FANCL: variants seen among roughly 807,000 people sequenced by gnomAD.
The protein encoded by FANCL is FA complementation group L.
In FANCL, 69 loss-of-function variants were observed where a neutral mutation model predicts 59.4. The observed-to-expected ratio is 1.16, with a 90% CI of 0.96 to 1.42. The LOEUF (loss-of-function observed/expected upper bound fraction) is 1.42. Among genes scored for constraint, FANCL ranks in the 40% most tolerant of loss-of-function variants. The pLI, the probability that FANCL is intolerant of heterozygous loss-of-function variation, is 0.00. For synonymous variants in FANCL, 180 were observed against 147.1 expected, an observed-to-expected ratio of 1.22 and a Z score of -1.62; for missense variants, 519 against 447.2, an observed-to-expected ratio of 1.16 and a Z score of -1.45.
At chr2:58,173,437 C>G (rs1303399914) in intron 7 of FANCL, among the ~76,000 whole-genome samples, 2 of 152,204 alleles carry the variant, frequency 1.3e-5, no homozygotes, top group Non-Finnish European at 2.9e-5. Flanking sequence ...CAGCTGATCT[C>G]TCAGCAGAAA....
intron 5 of FANCL, among the ~76,000 whole-genome samples, chr2:58,206,495 G>T (rs1690596553): frequency 7.2e-6 from 1 of 138,792 alleles, no homozygotes; most frequent in South Asian, 2.6e-4. Flanking sequence ...ACGTTTAAGA[G>T]GGGTGGAAGA....
At chr2:58,237,103 G>A (rs895653301) in intron 1 of FANCL, among the ~76,000 whole-genome samples, 3 of 152,122 alleles carry the variant, frequency 2.0e-5, no homozygotes, top group African/African-American at 7.2e-5. Flanking sequence ...GGCCTGGGTA[G>A]CACTCTGAAC....
rs758190931 is a variant in FANCL at position 58,159,535 on chromosome 2, G to A, written c.*230C>T. On this transcript the variant is annotated 3_prime_UTR_variant, in exon 14 of 14. Transcript: ENST00000233741. ...ATCTTGGTATAAATACACTTCCACA[G>A]TCAGCACGGGGATCACAGACTTAGA... 1.2e-6 allele frequency: 2 copies of A among 1,613,624 alleles called. No homozygotes were observed. The highest frequency in any genetic ancestry group is 1.7e-5 in the Admixed American group (1 of 59,952).
intron 4 of FANCL, among the ~76,000 whole-genome samples, chr2:58,224,840 C>T (rs1692829458): frequency 6.6e-6 from 1 of 151,774 alleles, no homozygotes; most frequent in Non-Finnish European, 1.5e-5. Flanking sequence ...TCTATAATGC[C>T]AATTTGAATT....
At chr2:58,219,058 GA>G (rs1692142130) in intron 5 of FANCL, among the ~76,000 whole-genome samples, 1 of 142,154 alleles carries the variant, frequency 7.0e-6, no homozygotes. Flanking sequence ...AAGCAACCAG[GA>G]CTCCTTGGAA....
intron 7 of FANCL, among the ~76,000 whole-genome samples, chr2:58,170,297 G>C (rs1329634152): frequency 6.6e-6 from 1 of 152,172 alleles, no homozygotes; most frequent in Non-Finnish European, 1.5e-5. Flanking sequence ...ACCTTCAGGA[G>C]TGAAGGAGAA....
At chr2:58,228,412 T>C (rs1263308308) in intron 3 of FANCL, among the ~76,000 whole-genome samples, 8 of 152,224 alleles carry the variant, frequency 5.3e-5, no homozygotes, top group African/African-American at 1.9e-4. Context: ...TCTTCTACAT[T>C]GCATTTTCCC....
chr2:58,197,381 C>T (rs1431655435), intron 7 of FANCL, among the ~76,000 whole-genome samples: 1 of 151,866 alleles, frequency 6.6e-6, no homozygotes, highest in Non-Finnish European at 1.5e-5. Context: ...AATGAGTAGC[C>T]TCCATTTACG....
rs1170759423 is a variant in FANCL at position 58,226,781 on chromosome 2, T to C, written c.220A>G (p.Met74Val). ...SGYHRIVQQR[M>V]QHSPDLMSFM... The stretch of plus-strand genomic sequence containing the variant: ...CTCATTAGATCAGGAGAGTGCTGCA[T>C]TCTCTAGATCAAAATATTTCCAATT... Residue 74 changes from methionine to valine, a missense_variant, in exon 4 of 14, where the codon ATG becomes GTG. Coordinates refer to ENST00000233741, the MANE Select transcript of FANCL (RefSeq NM_018062.4). The C allele has an allele frequency of 1.2e-6, 2 of 1,612,112 alleles. No homozygotes were observed. Among genetic ancestry groups the C allele is most frequent in the Non-Finnish European group, 1.7e-6 (2 of 1,178,422 alleles).
chr2:58,164,455 A>G (rs943381300), intron 8 of FANCL, among the ~76,000 whole-genome samples: 3 of 152,002 alleles, frequency 2.0e-5, no homozygotes, highest in African/African-American at 7.2e-5. Context: ...ATGAACAGAA[A>G]TTTCTTATTA....
rs1286903189 is a variant in FANCL at position 58,159,768 on chromosome 2, GT to G, written c.1124del (p.His375ProfsTer15). ...ACCGAAATGTTGTATTCTTATTTCA[GT>G]GTTTCCTTCCAGACATTTTTAAGGT... ...PITLKMSGRK[H>X] On this transcript the variant is annotated frameshift_variant, in exon 14 of 14. Coordinates refer to ENST00000233741, the MANE Select transcript of FANCL (RefSeq NM_018062.4). LOFTEE classifies it high-confidence loss of function. 2 of 1,613,056 alleles carry G rather than the reference GT, an allele frequency of 1.2e-6. No individual in the cohort carries two copies. The highest frequency in any genetic ancestry group is 1.1e-5 in the South Asian group (1 of 90,998).
At chr2:58,228,728 G>A (rs1344187979) in intron 3 of FANCL, among the ~76,000 whole-genome samples, 1 of 152,158 alleles carries the variant, frequency 6.6e-6, no homozygotes, top group African/African-American at 2.4e-5. Flanking sequence ...CACTGGGACT[G>A]TAAAATAAAA....
intron 5 of FANCL, among the ~76,000 whole-genome samples, chr2:58,219,171 A>AAAAATATATACAT (rs1558810201): frequency 1.0e-4 from 2 of 19,256 alleles, no homozygotes; most frequent in Non-Finnish European, 1.8e-4. Context: ...AAAAAAAAAA[A>AAAAATATATACAT]ATATATATAT....
At chr2:58,226,433 G>T (rs1418269197) in intron 4 of FANCL, among the ~76,000 whole-genome samples, 1 of 152,080 alleles carries the variant, frequency 6.6e-6, no homozygotes, top group African/African-American at 2.4e-5. Context: ...CTTCTTAGAT[G>T]TTAAACTCTC....
At chr2:58,237,654 C>G (rs1165061589) in intron 1 of FANCL, among the ~76,000 whole-genome samples, 1 of 152,018 alleles carries the variant, frequency 6.6e-6, no homozygotes, top group Non-Finnish European at 1.5e-5. Context: ...AATTTATAAA[C>G]CTCTATCTAG....
chr2:58,207,376 G>C (rs974770666), intron 5 of FANCL, among the ~76,000 whole-genome samples: 1 of 152,186 alleles, frequency 6.6e-6, no homozygotes, highest in South Asian at 2.1e-4. Flanking sequence ...AATGTGGCTA[G>C]TGGGTTTTTT....
Position 58,165,710 on chromosome 2 carries a change from C to G in FANCL, c.691+14G>C. The G allele has an allele frequency of 6.2e-7, 1 of 1,613,958 alleles. No individual in the cohort carries two copies. Among genetic ancestry groups the G allele is most frequent in the Middle Eastern group, 1.6e-4 (1 of 6,062 alleles). On this transcript the variant is annotated intron_variant, in intron 8 of 13. Coordinates refer to ENST00000233741, the MANE Select transcript of FANCL (RefSeq NM_018062.4). ...AACACCTAAAAACAAACCCTTAATC[C>G]TCCTTGTCCCTACCTAATGCAATTC...
chr2:58,180,558 G>A (rs1011167744), intron 7 of FANCL, among the ~76,000 whole-genome samples: 8 of 152,028 alleles, frequency 5.3e-5, no homozygotes, highest in Non-Finnish European at 8.8e-5. Flanking sequence ...GGCCTGTCGG[G>A]GGGTGGGGGA....
chr2:58,160,287 G>C, intron 12 of FANCL, 108 bp from the exon 13 acceptor site: 1 of 1,161,618 alleles, frequency 8.6e-7, no homozygotes, highest in Non-Finnish European at 1.3e-6. Flanking sequence ...TATTCCAGAA[G>C]ACTTAGCTTA....
Sources: gnomAD v4.1 joint callset for allele counts (sites outside exome capture counted in the v4.1 genomes callset) on GRCh38, gnomAD v4.1.1 for gene constraint, MANE v1.5 for transcripts, NCBI Gene and HGNC (gene_info 2026-07-23, HGNC 2026-07-21) for gene names.